Variants in FNBP1L observed in about 807,000 individuals in gnomAD.
FNBP1L encodes the protein formin-binding protein 1-like.
Under a neutral mutation model 91.2 loss-of-function variants are expected in FNBP1L, and 36 were observed. That is an observed-to-expected ratio of 0.39 (90% CI 0.30 to 0.52). The LOEUF (loss-of-function observed/expected upper bound fraction) is 0.52. Ranked by LOEUF, FNBP1L falls within the 20% of genes least tolerant of loss-of-function variation. The pLI, the probability that FNBP1L is intolerant of heterozygous loss-of-function variation, is 0.66. For missense variants in FNBP1L, 571 were observed against 732.1 expected (o/e 0.78, Z 2.54); for synonymous variants, 242 against 237.0 (o/e 1.02, Z -0.19).
chr1:93,499,309 T>G (rs1670367364), intron 1 of FNBP1L, among the ~76,000 whole-genome samples, 159 bp from the exon 2 acceptor site: 1 of 152,114 alleles, frequency 6.6e-6, no homozygotes, highest in Admixed American at 6.6e-5. Flanking sequence ...GACGACCTAT[T>G]TCTAGGTCTT....
At chr1:93,461,255 T>G (rs1473949890) in intron 1 of FNBP1L, among the ~76,000 whole-genome samples, 1 of 152,180 alleles carries the variant, frequency 6.6e-6, no homozygotes, top group Non-Finnish European at 1.5e-5. Context: ...AATCCTTTTG[T>G]GAAGGCCCAG....
intron 1 of FNBP1L, among the ~76,000 whole-genome samples, chr1:93,483,190 GAA>G (rs76428254): frequency 0.76 from 61,469 of 81,414 alleles, 22,756 homozygotes; most frequent in East Asian, 0.9. Context: ...ACCCTGTCTC[GAA>G]AAAAAAAAAA....
At chr1:93,448,464 T>C (rs1668347257) in intron 1 of FNBP1L, among the ~76,000 whole-genome samples, 159 bp downstream of exon 1, 1 of 152,138 alleles carries the variant, frequency 6.6e-6, no homozygotes, top group Non-Finnish European at 1.5e-5. Flanking sequence ...TGCAGACTCC[T>C]CTTCCCTTCT....
At chr1:93,494,331 A>G (rs72961384) in intron 1 of FNBP1L, among the ~76,000 whole-genome samples, 4,184 of 152,306 alleles carry the variant, frequency 0.027, 199 homozygotes, top group African/African-American at 0.095. Flanking sequence ...GATGCACTGC[A>G]AGTGGATGTG....
At chr1:93,476,241 T>C (rs1669490309) in intron 1 of FNBP1L, among the ~76,000 whole-genome samples, 1 of 152,218 alleles carries the variant, frequency 6.6e-6, no homozygotes, top group Admixed American at 6.5e-5. Context: ...GACTGTAAAC[T>C]CTTAAGTGTA....
chr1:93,538,014 T>C (rs1671902068), intron 10 of FNBP1L, among the ~76,000 whole-genome samples: 1 of 152,088 alleles, frequency 6.6e-6, no homozygotes, highest in Non-Finnish European at 1.5e-5. Flanking sequence ...ACACTAAATA[T>C]TATATTGTTA....
chr1:93,519,989 G>T (rs1671268231), intron 2 of FNBP1L, among the ~76,000 whole-genome samples: 2 of 152,104 alleles, frequency 1.3e-5, no homozygotes, highest in South Asian at 4.2e-4. Context: ...TTTCTTGATG[G>T]TAGGAACTCA....
At chr1:93,449,548 T>C (rs1668413029) in intron 1 of FNBP1L, among the ~76,000 whole-genome samples, 1 of 152,198 alleles carries the variant, frequency 6.6e-6, no homozygotes, top group South Asian at 2.1e-4. Flanking sequence ...TACTCATAGA[T>C]TGGGAATCTT....
intron 2 of FNBP1L, among the ~76,000 whole-genome samples, chr1:93,510,990 G>A (rs1036606340): frequency 7.2e-5 from 11 of 152,074 alleles, no homozygotes; most frequent in African/African-American, 2.7e-4. Context: ...TGGTGTACCT[G>A]AAAGTGACGG....
At chr1:93,470,538 C>T (rs1211567609) in intron 1 of FNBP1L, among the ~76,000 whole-genome samples, 1 of 152,122 alleles carries the variant, frequency 6.6e-6, no homozygotes, top group East Asian at 1.9e-4. Context: ...AAGTAGAAAG[C>T]TTTCTTATGT....
intron 1 of FNBP1L, among the ~76,000 whole-genome samples, chr1:93,457,916 C>T (rs539927872): frequency 5.3e-5 from 8 of 151,560 alleles, no homozygotes; most frequent in Non-Finnish European, 8.8e-5. Context: ...CTCAGCCTCC[C>T]GAGTAGCTGG....
chr1:93,532,913 GATT>G lies in FNBP1L; in HGVS notation c.640-4_640-2del. On this transcript the variant is annotated splice_region_variant and splice_polypyrimidine_tract_variant and intron_variant, in intron 7 of 16. Transcript: ENST00000271234. ...GTTTTCTCTTTTTAAAAAAATTCTTGATTATTAGCAACTACAAGAAATGGACGA... is the reference window on the plus strand; with the variant it reads ...GTTTTCTCTTTTTAAAAAAATTCTTGATTAGCAACTACAAGAAATGGACGA... 2 of 1,582,662 alleles carry G rather than the reference GATT, an allele frequency of 1.3e-6. No homozygotes were observed. The highest frequency in any genetic ancestry group is 8.6e-7 in the Non-Finnish European group (1 of 1,162,776).
At chr1:93,520,146 C>G (rs957679361) in intron 2 of FNBP1L, among the ~76,000 whole-genome samples, 1 of 152,118 alleles carries the variant, frequency 6.6e-6, no homozygotes, top group African/African-American at 2.4e-5. Flanking sequence ...TACTTGTCTC[C>G]TTTCAATAGA....
chr1:93,482,152 A>G (rs988308860), intron 1 of FNBP1L, among the ~76,000 whole-genome samples: 1 of 152,156 alleles, frequency 6.6e-6, no homozygotes, highest in Admixed American at 6.6e-5. Context: ...ACACAGTGAG[A>G]CCCTGTCTCA....
chr1:93,539,101 A>G lies in FNBP1L; in HGVS notation c.1150-1941A>G, dbSNP rs533759298. 1.1e-4 allele frequency among the ~76,000 whole-genome samples: 17 copies of G among 152,096 alleles called. No individual in the cohort carries two copies. The East Asian group carries it at 2.1e-3, about 19-fold the overall frequency. On this transcript the variant is annotated intron_variant, in intron 10 of 16. Transcript: ENST00000271234. ...CTATTGCTACTTTGAGTTTTATTGG[A>G]TACTGTTTTTTAAGTTATTTATTTA...
intron 1 of FNBP1L, among the ~76,000 whole-genome samples, chr1:93,480,567 G>T (rs1669662980): frequency 1.3e-5 from 2 of 151,814 alleles, no homozygotes; most frequent in Admixed American, 1.3e-4. Context: ...CTGTAAGTTG[G>T]GTCTCTTAGA....
chr1:93,464,675 A>G (rs1427572922), intron 1 of FNBP1L, among the ~76,000 whole-genome samples: 2 of 152,154 alleles, frequency 1.3e-5, no homozygotes, highest in Admixed American at 6.5e-5. Context: ...TTCTTTAATC[A>G]TACTTTCAAT....
Position 93,448,121 on chromosome 1 carries a change from C to G in FNBP1L, c.-161C>G, listed in dbSNP as rs1003020532. Reference sequence around the variant, plus strand: ...CGTCGGCGGCGGAGGCTTCTCCAGTCGCGTCTTTCTCACTCACTGGGGAGC... The same window carrying G: ...CGTCGGCGGCGGAGGCTTCTCCAGTGGCGTCTTTCTCACTCACTGGGGAGC... On this transcript the variant is annotated 5_prime_UTR_variant, in exon 1 of 17. Coordinates refer to ENST00000271234, the MANE Select transcript of FNBP1L (RefSeq NM_001164473.3). The G allele has an allele frequency of 2.3e-6, 2 of 863,910 alleles. No individual in the cohort carries two copies. Among genetic ancestry groups the G allele is most frequent in the African/African-American group, 3.6e-5 (2 of 54,962 alleles). The allele number at this position is 863,910 out of a possible 1,614,324, so 53.5% of individuals were successfully genotyped here. A position where few individuals can be genotyped will look rare whatever the true frequency, so the allele number is the denominator to read the frequency against.
intron 2 of FNBP1L, among the ~76,000 whole-genome samples, chr1:93,518,189 A>G (rs887247080): frequency 6.6e-6 from 1 of 152,076 alleles, no homozygotes; most frequent in African/African-American, 2.4e-5. Flanking sequence ...TAACTCTTCT[A>G]TAGTGTCAGT....
Sources: allele counts gnomAD v4.1 joint callset (sites outside exome capture counted in the v4.1 genomes callset), GRCh38; gene constraint gnomAD v4.1.1; transcripts MANE v1.5; gene names NCBI Gene and HGNC (gene_info 2026-07-23, HGNC 2026-07-21).